TSPEAR: variants seen among roughly 807,000 people sequenced by gnomAD.
TSPEAR encodes thrombospondin type laminin G domain and EAR repeats.
In TSPEAR, 69 loss-of-function variants were observed where a neutral mutation model predicts 71.6. The observed-to-expected ratio is 0.96, with a 90% CI of 0.79 to 1.18. The LOEUF (loss-of-function observed/expected upper bound fraction) is 1.18. TSPEAR is among the 50% of genes most tolerant of loss of function. The probability of loss-of-function intolerance (pLI) is 0.00; values close to 1 mark genes in which losing one functional copy is unlikely to be tolerated. For missense variants in TSPEAR, 971 were observed against 894.9 expected, an observed-to-expected ratio of 1.09 and a Z score of -1.09; for synonymous variants, 402 against 387.2, an observed-to-expected ratio of 1.04 and a Z score of -0.45.
At chr21:44,511,186 A>C (rs899866769) in intron 9 of TSPEAR, 2 of 152,214 alleles carry the variant, frequency 1.3e-5, no homozygotes, top group Non-Finnish European at 2.9e-5. Context: ...GAGGAAACCA[A>C]CTGAGTGGGC....
At chr21:44,696,949 A>G (rs9982002) in intron 1 of TSPEAR, among the ~76,000 whole-genome samples, 33,432 of 151,900 alleles carry the variant, frequency 0.22, 4,198 homozygotes, top group African/African-American at 0.35. Context: ...GGGACAACAC[A>G]CACACCCTTG....
At chr21:44,617,842 G>A (rs1982205798) in intron 1 of TSPEAR, among the ~76,000 whole-genome samples, 2 of 152,252 alleles carry the variant, frequency 1.3e-5, no homozygotes, top group Admixed American at 1.3e-4. Flanking sequence ...ACTTCTGTGT[G>A]TGTTTCCACT....
chr21:44,659,665 A>G (rs1985382805), intron 1 of TSPEAR, among the ~76,000 whole-genome samples: 1 of 152,254 alleles, frequency 6.6e-6, no homozygotes. Context: ...TCACCCCTGT[A>G]ACCCCAGCAC....
chr21:44,663,145 C>A lies in TSPEAR; in HGVS notation c.82+48288G>T, dbSNP rs190647571. Among the ~76,000 whole-genome samples, 17 of 147,846 alleles carry A rather than the reference C, an allele frequency of 1.1e-4. No homozygotes were observed. The East Asian group carries it at 3.2e-3, about 28-fold the overall frequency. ...ATGAAGTAGAAAATGGAAAAGAATT[C>A]AATGAAAGCAAAAGCTGCTTCTTTG... On this transcript the variant is annotated intron_variant, in intron 1 of 11. Transcript: ENST00000323084.
rs151249231 is a variant in TSPEAR at position 44,578,960 on chromosome 21, A to C, written c.83-10955T>G. ...GTGCCAGTTTTGGGGAATCATGTGC[A>C]TCCATCCACCCACTCCATGATGCTT... On this transcript the variant is annotated intron_variant, in intron 1 of 11. Transcript: ENST00000323084. Among the ~76,000 whole-genome samples, 564 of 152,250 alleles carry C rather than the reference A, an allele frequency of 3.7e-3. 7 individuals are homozygous for C. Among genetic ancestry groups the C allele is most frequent in the Middle Eastern group, 0.017 (5 of 294 alleles).
chr21:44,552,132 C>A lies in TSPEAR; in HGVS notation c.303+15653G>T, dbSNP rs187845717. On this transcript the variant is annotated intron_variant, in intron 2 of 11. Coordinates refer to ENST00000323084, the MANE Select transcript of TSPEAR (RefSeq NM_144991.3). ...CTGGCCTTTGGGTCTGGACTGTTGT[C>A]CCCTGGAGCCCTGGTCAGGTGTCCT... Among the ~76,000 whole-genome samples, 42 of 152,286 alleles carry A rather than the reference C, an allele frequency of 2.8e-4. 1 individual carries two copies. In the East Asian group the frequency reaches 5.8e-3, roughly 21 times the overall value.
chr21:44,542,606 C>A (rs2053238395), intron 2 of TSPEAR, among the ~76,000 whole-genome samples: 1 of 151,698 alleles, frequency 6.6e-6, no homozygotes, highest in Non-Finnish European at 1.5e-5. Context: ...AAAGTTGGCC[C>A]ACTTTGGTGG....
chr21:44,646,759 G>A (rs1463055553), intron 1 of TSPEAR: 1 of 1,613,802 alleles, frequency 6.2e-7, no homozygotes, highest in Non-Finnish European at 8.5e-7. Context: ...GGCCTGCTGT[G>A]TGCCTGTCTG....
chr21:44,604,406 A>G (rs1981180231), intron 1 of TSPEAR, among the ~76,000 whole-genome samples: 1 of 152,222 alleles, frequency 6.6e-6, no homozygotes, highest in East Asian at 1.9e-4. Context: ...ATGGCCAAAA[A>G]TCACAGGATA....
intron 1 of TSPEAR, among the ~76,000 whole-genome samples, chr21:44,569,250 A>ACAGGGTGTGAAACG (rs1191860149): frequency 6.6e-6 from 1 of 152,182 alleles, no homozygotes; most frequent in Admixed American, 6.5e-5. Context: ...ACACGCGCAC[A>ACAGGGTGTGAAACG]CAGGGTGTGA....
chr21:44,555,253 T>C (rs1555919589), intron 2 of TSPEAR, among the ~76,000 whole-genome samples: 1 of 152,198 alleles, frequency 6.6e-6, no homozygotes, highest in Non-Finnish European at 1.5e-5. Context: ...CAAAACGGTT[T>C]ATAAAATAAA....
At position 44,642,583 on chromosome 21, in the gene TSPEAR, C is replaced by T. The variant is rs975006776; in HGVS notation, c.82+68850G>A. 2.6e-5 allele frequency among the ~76,000 whole-genome samples: 4 copies of T among 152,220 alleles called. No individual in the cohort carries two copies. The highest frequency in any genetic ancestry group is 5.9e-5 in the Non-Finnish European group (4 of 68,044). On this transcript the variant is annotated intron_variant, in intron 1 of 11. Coordinates refer to ENST00000323084, the MANE Select transcript of TSPEAR (RefSeq NM_144991.3). This position sits in a 1 kb window ranked among gnomAD's most constrained non-coding sequence, Gnocchi z 4.1. ...ATGGGGCCGGGCGCAGTGGCTCATG[C>T]CTGTAATCCCAGCACTTTGAGAGGC...
chr21:44,554,746 A>G (rs2053499418), intron 2 of TSPEAR, among the ~76,000 whole-genome samples: 1 of 152,194 alleles, frequency 6.6e-6, no homozygotes, highest in African/African-American at 2.4e-5. Flanking sequence ...AATAAGATCT[A>G]TTGTTAAATT....
At chr21:44,651,174 G>A (rs587676300) in intron 1 of TSPEAR, among the ~76,000 whole-genome samples, 41 of 152,264 alleles carry the variant, frequency 2.7e-4, no homozygotes, top group Non-Finnish European at 4.7e-4. Flanking sequence ...GAGTGAGGCC[G>A]AAGCCCTGGC....
chr21:44,671,352 C>G (rs1986046969), intron 1 of TSPEAR, among the ~76,000 whole-genome samples: 1 of 152,238 alleles, frequency 6.6e-6, no homozygotes, highest in Non-Finnish European at 1.5e-5. Flanking sequence ...CCACTGCTGC[C>G]ACTGCTAGCA....
At chr21:44,579,459 G>A (rs1212557979) in intron 1 of TSPEAR, 2 of 522,738 alleles carry the variant, frequency 3.8e-6, no homozygotes, top group African/African-American at 3.8e-5. Context: ...AGAGAATCAG[G>A]CGACCAAGGG....
chr21:44,635,431 A>C (rs1983499488), intron 1 of TSPEAR, among the ~76,000 whole-genome samples: 1 of 152,116 alleles, frequency 6.6e-6, no homozygotes, highest in Admixed American at 6.5e-5. Context: ...GTGCATTAGC[A>C]GATGAATGGA....
intron 1 of TSPEAR, among the ~76,000 whole-genome samples, chr21:44,621,891 C>T (rs1555933548): frequency 6.6e-6 from 1 of 152,110 alleles, no homozygotes; most frequent in Non-Finnish European, 1.5e-5. Context: ...AATACATAGA[C>T]TCCTCTCATC....
intron 1 of TSPEAR, chr21:44,638,152 T>A (rs782586152): frequency 9.3e-6 from 15 of 1,610,640 alleles, no homozygotes; most frequent in Middle Eastern, 1.6e-4. Context: ...GCCTCTGCTC[T>A]GGCCAGAAGT....
Sources: allele counts gnomAD v4.1 joint callset (sites outside exome capture counted in the v4.1 genomes callset), GRCh38; gene constraint gnomAD v4.1.1; non-coding constraint Gnocchi (gnomAD v3.1); transcripts MANE v1.5; gene names NCBI Gene and HGNC (gene_info 2026-07-23, HGNC 2026-07-21).